Variants in PRMT9 observed in about 807,000 individuals in gnomAD.
PRMT9 encodes the protein protein arginine methyltransferase 9, also known as protein arginine N-methyltransferase 9.
Under a neutral mutation model 83.2 loss-of-function variants are expected in PRMT9, and 59 were observed. That is an observed-to-expected ratio of 0.71 (90% CI 0.57 to 0.88). The LOEUF is 0.88. Ranked by LOEUF, PRMT9 falls within the 40% of genes least tolerant of loss-of-function variation. PRMT9 has a pLI of 0.00. For missense variants in PRMT9, 947 were observed against 1,021.9 expected (o/e 0.93, Z 1.00); for synonymous variants, 333 against 353.2 (o/e 0.94, Z 0.64).
In PRMT9 at chr4:147,684,025, T is replaced by C. The variant is rs1736695665; in HGVS notation, c.-38A>G. 5 of 1,598,044 alleles carry C rather than the reference T, an allele frequency of 3.1e-6. No homozygotes were observed. The highest frequency in any genetic ancestry group is 2.2e-5 in the South Asian group (2 of 90,078). On this transcript the variant is annotated 5_prime_UTR_variant, in exon 1 of 12. Coordinates refer to ENST00000322396, the MANE Select transcript of PRMT9 (RefSeq NM_138364.4). ...TTGTATGGCCAAAGGGAAGATATTT[T>C]GTAAACGTAATTAGAAAACTCTCTC...
chr4:147,644,014 A>G (rs1045511464), intron 9 of PRMT9, among the ~76,000 whole-genome samples: 1 of 152,224 alleles, frequency 6.6e-6, no homozygotes, highest in Non-Finnish European at 1.5e-5. Context: ...ACCAGAAACA[A>G]AAAAGCTACA....
intron 9 of PRMT9, among the ~76,000 whole-genome samples, chr4:147,645,851 A>G (rs551880130): frequency 1.3e-5 from 2 of 152,330 alleles, no homozygotes; most frequent in South Asian, 4.1e-4. Context: ...ACTGATAAAG[A>G]TAAGTCATGT....
Position 147,645,169 on chromosome 4 carries a change from A to G in PRMT9, c.2046-2229T>C, listed in dbSNP as rs1248233767. 3.9e-5 allele frequency among the ~76,000 whole-genome samples: 6 copies of G among 152,182 alleles called. 1 individual carries two copies. Among genetic ancestry groups the G allele is most frequent in the Non-Finnish European group, 8.8e-5 (6 of 68,024 alleles). On this transcript the variant is annotated intron_variant, in intron 9 of 11. Coordinates refer to ENST00000322396, the MANE Select transcript of PRMT9 (RefSeq NM_138364.4). ...TATACTATGTAGTCTCCCTAAATAGATCATTAAAACCTAAACAAGCTAAGC... is the reference window on the plus strand; with the variant it reads ...TATACTATGTAGTCTCCCTAAATAGGTCATTAAAACCTAAACAAGCTAAGC...
At chr4:147,665,196 T>C (rs2126617772) in intron 6 of PRMT9, among the ~76,000 whole-genome samples, 1 of 151,598 alleles carries the variant, frequency 6.6e-6, no homozygotes, top group South Asian at 2.1e-4. Flanking sequence ...TTTGTCGTAA[T>C]TTGAAAGATA....
At chr4:147,647,660 T>C (rs1733817286) in intron 9 of PRMT9, among the ~76,000 whole-genome samples, 1 of 152,112 alleles carries the variant, frequency 6.6e-6, no homozygotes, top group Admixed American at 6.6e-5. Flanking sequence ...GCAGCTGGGA[T>C]TACAGGCACA....
intron 2 of PRMT9, among the ~76,000 whole-genome samples, chr4:147,674,400 A>AG (rs752055969): frequency 5.9e-5 from 9 of 152,226 alleles, no homozygotes; most frequent in Non-Finnish European, 1.0e-4. Flanking sequence ...TTGTGCCTAC[A>AG]GACACTAAGC....
chr4:147,676,803 G>A (rs1219207046), intron 2 of PRMT9, among the ~76,000 whole-genome samples: 2 of 152,118 alleles, frequency 1.3e-5, no homozygotes, highest in Non-Finnish European at 2.9e-5. Flanking sequence ...CGCCACTTTG[G>A]GAGACCGAGG....
chr4:147,684,020 T>A lies in PRMT9; in HGVS notation c.-33A>T, dbSNP rs777574630. ...ACCACTTGTATGGCCAAAGGGAAGA[T>A]ATTTTGTAAACGTAATTAGAAAACT... On this transcript the variant is annotated 5_prime_UTR_variant, in exon 1 of 12. Coordinates refer to ENST00000322396, the MANE Select transcript of PRMT9 (RefSeq NM_138364.4). 5.6e-6 allele frequency: 9 copies of A among 1,604,896 alleles called. No individual in the cohort carries two copies. In the African/African-American group the frequency reaches 1.2e-4, roughly 21 times the overall value.
chr4:147,673,094 A>G lies in PRMT9; in HGVS notation c.608T>C (p.Val203Ala), dbSNP rs1234602852. The change falls in exon 4 of 12, where the codon GTG becomes GCG. Residue 203 changes from valine (V) to alanine (A), a missense_variant. Physicochemically the swap from Val to Ala is moderately conservative, Grantham distance 64 (BLOSUM62 0). Transcript: ENST00000322396. ...GGTCTTGGATAACTCACAGGCATAC[A>G]CGGAATGTGCTCCAGCTTTTTTAGC... ...MFAKKAGAHSVYACELSKTMY... is the reference protein window; with the variant it reads ...MFAKKAGAHSAYACELSKTMY... The G allele has an allele frequency of 6.2e-7, 1 of 1,613,948 alleles. No individual in the cohort carries two copies. Among genetic ancestry groups the G allele is most frequent in the African/African-American group, 1.3e-5 (1 of 74,934 alleles).
intron 10 of PRMT9, among the ~76,000 whole-genome samples, chr4:147,639,828 G>C (rs926217407): frequency 6.6e-6 from 1 of 151,980 alleles, no homozygotes; most frequent in African/African-American, 2.4e-5. Flanking sequence ...ACCTCTCCCT[G>C]GGCATCCTTG....
intron 9 of PRMT9, among the ~76,000 whole-genome samples, chr4:147,651,735 A>T (rs2126588874): frequency 6.6e-6 from 1 of 152,312 alleles, no homozygotes; most frequent in Non-Finnish European, 1.5e-5. Context: ...AAAAATAAAT[A>T]CTGTATGATT....
intron 10 of PRMT9, among the ~76,000 whole-genome samples, chr4:147,642,106 G>A (rs1296627248): frequency 6.6e-6 from 1 of 152,166 alleles, no homozygotes; most frequent in Non-Finnish European, 1.5e-5. Flanking sequence ...CTTATCAGCT[G>A]CCAGCCTGAG....
rs561861459 is a variant in PRMT9, at chr4:147,656,261, C to T, written c.1330+1531G>A. Reference sequence around the variant, plus strand: ...AACTAAACAGAAATAGATGTATTAACTTCCAGTTTAAGAAGGGTAGAGTTT... The same window carrying T: ...AACTAAACAGAAATAGATGTATTAATTTCCAGTTTAAGAAGGGTAGAGTTT... On this transcript the variant is annotated intron_variant, in intron 8 of 11. Transcript: ENST00000322396. Among the ~76,000 whole-genome samples the T allele has an allele frequency of 4.6e-5, 7 of 152,102 alleles. No homozygotes were observed. In the South Asian group the frequency reaches 1.5e-3, roughly 32 times the overall value.
Position 147,660,869 on chromosome 4 carries a change from T to C in PRMT9, c.1123A>G (p.Thr375Ala). ...ACCTGAAGGTTGTTGAAATCTACTG[T>C]CATAATTTCAAAGCACTCTGTCAAA... ...LALTECFEIM[T>A]VDFNNLQELK... The change falls in exon 7 of 12, where the codon ACA becomes GCA. Residue 375 changes from threonine to alanine, a missense_variant. Thr to Ala is a moderately conservative substitution (Grantham distance 58). Coordinates refer to ENST00000322396, the MANE Select transcript of PRMT9 (RefSeq NM_138364.4). 6.2e-7 allele frequency: 1 copy of C among 1,613,102 alleles called. No homozygotes were observed. Among genetic ancestry groups the C allele is most frequent in the Non-Finnish European group, 8.5e-7 (1 of 1,179,176 alleles).
intron 10 of PRMT9, among the ~76,000 whole-genome samples, chr4:147,641,202 A>C (rs1733377227): frequency 6.6e-6 from 1 of 152,158 alleles, no homozygotes; most frequent in East Asian, 1.9e-4. Flanking sequence ...ACATCATGTC[A>C]AGCCTCTGTT....
In PRMT9 at chr4:147,670,667, A is replaced by G; in HGVS notation, c.820T>C (p.Trp274Arg). ...EGIVESLIHA[W>R]EHLLLQPKTK... is the part of the protein sequence containing the mutation. ...TTTGGCTGTAAAAGTAAATGCTCCC[A>G]TGCATGAATCAAACTCTCCACAATT... Residue 274 changes from tryptophan to arginine, a missense_variant, in exon 5 of 12, where the codon TGG (tryptophan) becomes CGG (arginine). Transcript: ENST00000322396. 6.2e-7 allele frequency: 1 copy of G among 1,612,840 alleles called. No individual in the cohort carries two copies. The highest frequency in any genetic ancestry group is 8.5e-7 in the Non-Finnish European group (1 of 1,178,920).
intron 6 of PRMT9, among the ~76,000 whole-genome samples, chr4:147,665,182 T>C (rs1735244083): frequency 6.6e-6 from 1 of 151,970 alleles, no homozygotes; most frequent in South Asian, 2.1e-4. Flanking sequence ...TTACAATCTT[T>C]CCTTTTGTCG....
chr4:147,676,630 C>T (rs1432551951), intron 2 of PRMT9, among the ~76,000 whole-genome samples: 4 of 152,128 alleles, frequency 2.6e-5, no homozygotes. Context: ...AAGGAGAATT[C>T]ATTGTCACTC....
chr4:147,673,150 T>C, intron 3 of PRMT9, 24 bp from the exon 4 acceptor site: 1 of 1,611,666 alleles, frequency 6.2e-7, no homozygotes. Flanking sequence ...AAGTTCTCCA[T>C]CAAGAAAAAA....
Sources: gnomAD v4.1 joint callset for allele counts (sites outside exome capture counted in the v4.1 genomes callset) on GRCh38, gnomAD v4.1.1 for gene constraint, MANE v1.5 for transcripts, NCBI Gene and HGNC (gene_info 2026-07-23, HGNC 2026-07-21) for gene names.